Variants in PDE8B observed in about 807,000 individuals in gnomAD.
The protein encoded by PDE8B is phosphodiesterase 8B.
Under a neutral mutation model 101.3 loss-of-function variants are expected in PDE8B, and 26 were observed. The ratio of observed to expected loss-of-function variants is 0.26; its 90% confidence interval spans 0.19 to 0.36. The LOEUF (loss-of-function observed/expected upper bound fraction) is 0.36, where lower values mean the gene tolerates loss of function less well. PDE8B is among the 10% of genes least tolerant of loss of function. The pLI is 1.00. For missense variants in PDE8B, 810 were observed against 1,163.1 expected (o/e 0.70, Z 4.42); for synonymous variants, 424 against 429.3 (o/e 0.99, Z 0.15).
intron 1 of PDE8B, among the ~76,000 whole-genome samples, chr5:77,297,591 TC>T (rs1264565655): frequency 1.3e-5 from 2 of 152,120 alleles, no homozygotes; most frequent in Non-Finnish European, 2.9e-5. Context: ...TCTCTGTTCC[TC>T]CCTTAGTCTA....
the PDE8B span, among the ~76,000 whole-genome samples, chr5:77,185,652 G>A: frequency 1.3e-5 from 2 of 152,076 alleles, no homozygotes; most frequent in African/African-American, 4.8e-5. Context: ...TTTCATTGGA[G>A]GGGGCCTGTA....
chr5:77,349,752 T>C (rs2150434758), intron 8 of PDE8B, among the ~76,000 whole-genome samples, 193 bp downstream of exon 8: 1 of 152,334 alleles, frequency 6.6e-6, no homozygotes, highest in South Asian at 2.1e-4. Context: ...CTTATCATTA[T>C]GGTACAGAAT....
chr5:77,185,365 G>C, the PDE8B span, among the ~76,000 whole-genome samples: 1 of 152,294 alleles, frequency 6.6e-6, no homozygotes, highest in Non-Finnish European at 1.5e-5. Context: ...TTCTTGGCTT[G>C]TAGACGGTCA....
At chr5:77,307,433 G>A (rs1202055931) in intron 1 of PDE8B, among the ~76,000 whole-genome samples, 2 of 152,184 alleles carry the variant, frequency 1.3e-5, no homozygotes, top group Admixed American at 1.3e-4. Flanking sequence ...GCAAAAGTGA[G>A]TGATAGACGT....
chr5:77,379,337 T>A (rs1397405724), intron 10 of PDE8B, among the ~76,000 whole-genome samples: 2 of 152,244 alleles, frequency 1.3e-5, no homozygotes, highest in Non-Finnish European at 1.5e-5. Flanking sequence ...GGATTTTTCT[T>A]TTTAATCTTG....
At chr5:77,422,328 T>C (rs1389498686) in intron 20 of PDE8B, among the ~76,000 whole-genome samples, 1 of 152,188 alleles carries the variant, frequency 6.6e-6, no homozygotes, top group Non-Finnish European at 1.5e-5. Flanking sequence ...TGGCGCGTTA[T>C]GGGAACACAG....
At chr5:77,174,819 A>G in the PDE8B span, among the ~76,000 whole-genome samples, 53 of 152,200 alleles carry the variant, frequency 3.5e-4, no homozygotes, top group African/African-American at 1.2e-3. Flanking sequence ...AGCTCACAGT[A>G]GCATCTATAC....
At chr5:77,344,817 A>T in intron 6 of PDE8B, 36 bp from the exon 7 acceptor site, 1 of 1,296,042 alleles carries the variant, frequency 7.7e-7, no homozygotes, top group Non-Finnish European at 1.1e-6. Context: ...AATGGTTTTC[A>T]TAGAAGAACT....
intron 2 of PDE8B, among the ~76,000 whole-genome samples, chr5:77,315,926 T>C (rs550628864): frequency 2.0e-5 from 3 of 152,294 alleles, no homozygotes; most frequent in Admixed American, 2.0e-4. Flanking sequence ...AACAAAAGAT[T>C]GCAGATACTT....
chr5:77,186,891 TTC>T, the PDE8B span, among the ~76,000 whole-genome samples: 263 of 152,286 alleles, frequency 1.7e-3, 2 homozygotes, highest in African/African-American at 6.0e-3. Flanking sequence ...GTGTTTCCCA[TTC>T]TGTTTCCTAC....
chr5:77,156,749 CCTCA>C, the PDE8B span, among the ~76,000 whole-genome samples: 1 of 151,998 alleles, frequency 6.6e-6, no homozygotes, highest in African/African-American at 2.4e-5. Context: ...GAGCTCCACC[CCTCA>C]CTCTTCCTCT....
chr5:77,227,277 A>G (rs890969487), intron 1 of PDE8B, among the ~76,000 whole-genome samples: 2 of 152,210 alleles, frequency 1.3e-5, no homozygotes, highest in Non-Finnish European at 2.9e-5. Flanking sequence ...CTTATGTTCA[A>G]TATAATTTTT....
At chr5:77,277,142 C>T (rs887212892) in intron 1 of PDE8B, among the ~76,000 whole-genome samples, 3 of 152,096 alleles carry the variant, frequency 2.0e-5, no homozygotes, top group African/African-American at 4.8e-5. Flanking sequence ...TGTGGTAGAA[C>T]GCAGAAGGAG....
chr5:77,301,762 CA>C (rs1769997760), intron 1 of PDE8B, among the ~76,000 whole-genome samples: 1 of 152,236 alleles, frequency 6.6e-6, no homozygotes, highest in Non-Finnish European at 1.5e-5. Flanking sequence ...GCTGTGTTTA[CA>C]CACACTCAGC....
At chr5:77,213,638 G>T (rs1253986291) in intron 1 of PDE8B, among the ~76,000 whole-genome samples, 2 of 152,188 alleles carry the variant, frequency 1.3e-5, no homozygotes, top group African/African-American at 4.8e-5. Context: ...CCTTTCCAAA[G>T]CACACAGGTG....
intron 9 of PDE8B, among the ~76,000 whole-genome samples, chr5:77,352,724 A>G (rs954143300): frequency 6.6e-6 from 1 of 152,122 alleles, no homozygotes; most frequent in African/African-American, 2.4e-5. Context: ...TCATGGTTTT[A>G]CTCTCAGTAA....
At chr5:77,319,339 CT>C (rs1774513956) in intron 2 of PDE8B, among the ~76,000 whole-genome samples, 2 of 152,126 alleles carry the variant, frequency 1.3e-5, no homozygotes, top group South Asian at 2.1e-4. Flanking sequence ...TTAACCATAA[CT>C]TTTTTTAGCC....
intron 1 of PDE8B, among the ~76,000 whole-genome samples, chr5:77,284,030 G>C (rs578236080): frequency 1.2e-4 from 19 of 152,236 alleles, no homozygotes; most frequent in Non-Finnish European, 2.2e-4. Context: ...ATTATAATAG[G>C]TGTATACTGG....
intron 1 of PDE8B, among the ~76,000 whole-genome samples, chr5:77,242,172 G>T (rs1255399870): frequency 6.6e-6 from 1 of 152,182 alleles, no homozygotes; most frequent in Non-Finnish European, 1.5e-5. Flanking sequence ...GATTGGGAGG[G>T]CAGCCAGAAA....
Sources: allele counts gnomAD v4.1 joint callset (sites outside exome capture counted in the v4.1 genomes callset), GRCh38; gene constraint gnomAD v4.1.1; transcripts MANE v1.5; gene names NCBI Gene and HGNC (gene_info 2026-07-23, HGNC 2026-07-21).